Variants in PTPRG observed in about 807,000 individuals in gnomAD.
PTPRG encodes the protein receptor-type tyrosine-protein phosphatase gamma.
PTPRG carries 102 observed loss-of-function variants against 165.3 expected under a neutral mutation model. That is an observed-to-expected ratio of 0.62 (90% CI 0.53 to 0.73). PTPRG has a LOEUF of 0.73. Among genes scored for constraint, PTPRG ranks in the 30% least tolerant of loss-of-function variants. The probability of loss-of-function intolerance (pLI) is 0.00; values close to 1 mark genes in which losing one functional copy is unlikely to be tolerated. For synonymous variants in PTPRG, 675 were observed against 669.5 expected (o/e 1.01, Z -0.13); for missense variants, 1,866 against 1,861.4 (o/e 1.00, Z -0.05).
At chr3:61,948,402 A>G (rs1431141508) in intron 2 of PTPRG, among the ~76,000 whole-genome samples, 2 of 152,098 alleles carry the variant, frequency 1.3e-5, no homozygotes, top group African/African-American at 4.8e-5. Flanking sequence ...ACCAAGAATT[A>G]TTGAGCACCT....
intron 2 of PTPRG, among the ~76,000 whole-genome samples, chr3:61,811,192 G>T (rs994300722): frequency 6.6e-6 from 1 of 151,976 alleles, no homozygotes. Context: ...TGTCATGGAA[G>T]GCCCATGAAT....
chr3:62,223,200 G>T (rs1576154294), intron 13 of PTPRG, among the ~76,000 whole-genome samples: 1 of 152,222 alleles, frequency 6.6e-6, no homozygotes, highest in South Asian at 2.1e-4. Flanking sequence ...TGATGGGAAG[G>T]TATTGAAGGA....
rs1008934401 is a variant in PTPRG, at chr3:62,203,571, G to A, written c.1776G>A (p.Glu592=). Residue 592 remains glutamate, a synonymous_variant, in exon 12 of 30, where the codon GAG becomes GAA. Coordinates refer to ENST00000474889, the MANE Select transcript of PTPRG (RefSeq NM_002841.4). This position sits in a 1 kb window ranked among gnomAD's most constrained non-coding sequence, Gnocchi z 6.4. ...AGAAAAGCGAGAGTGAGGATGGGGA[G>A]CGGGAGCACGAGGAGGATGGAGAGA... ...KDEKSESEDG[E]REHEEDGEKD... is the part of the protein sequence containing the mutation. 6.4e-7 allele frequency: 1 copy of A among 1,552,684 alleles called. No homozygotes were observed. Among genetic ancestry groups the A allele is most frequent in the South Asian group, 1.2e-5 (1 of 84,182 alleles).
chr3:62,143,323 T>G (rs1703998313), intron 6 of PTPRG, among the ~76,000 whole-genome samples: 1 of 152,130 alleles, frequency 6.6e-6, no homozygotes, highest in Non-Finnish European at 1.5e-5. Context: ...AACAAGCGAC[T>G]TTTGGGAAAA....
chr3:61,786,252 T>C (rs1022148284), intron 2 of PTPRG, among the ~76,000 whole-genome samples: 1 of 152,198 alleles, frequency 6.6e-6, no homozygotes, highest in African/African-American at 2.4e-5. Flanking sequence ...ATGGACACTT[T>C]AGCTTCTAAA....
chr3:62,266,829 C>T (rs967098351), intron 17 of PTPRG, among the ~76,000 whole-genome samples: 6 of 147,434 alleles, frequency 4.1e-5, no homozygotes, highest in Non-Finnish European at 7.5e-5. Context: ...CAACTAGATA[C>T]ACATGTCATG....
chr3:62,071,462 G>A (rs1701207826), intron 4 of PTPRG, among the ~76,000 whole-genome samples: 1 of 152,134 alleles, frequency 6.6e-6, no homozygotes, highest in South Asian at 2.1e-4. Context: ...CCCATTGCCT[G>A]TATAAATGTA....
intron 5 of PTPRG, among the ~76,000 whole-genome samples, chr3:62,082,225 A>C (rs1017769703): frequency 2.0e-5 from 3 of 152,060 alleles, no homozygotes; most frequent in Middle Eastern, 3.2e-3. Flanking sequence ...TTCACTATCC[A>C]TGCTTCTTTT....
intron 2 of PTPRG, among the ~76,000 whole-genome samples, chr3:61,768,252 T>C (rs1392312076): frequency 1.3e-5 from 2 of 152,232 alleles, no homozygotes; most frequent in African/African-American, 4.8e-5. Flanking sequence ...CTCACAGGTA[T>C]GATGTATGTC....
At chr3:62,218,742 T>C in intron 12 of PTPRG, 109 bp from the exon 13 acceptor site, 1 of 1,400,568 alleles carries the variant, frequency 7.1e-7, no homozygotes, top group Non-Finnish European at 9.7e-7. Flanking sequence ...TCAGAGCAAA[T>C]GGCCCAGTTC....
intron 2 of PTPRG, among the ~76,000 whole-genome samples, chr3:61,980,204 C>G (rs1167534330): frequency 6.6e-6 from 1 of 152,116 alleles, no homozygotes; most frequent in Non-Finnish European, 1.5e-5. Context: ...TTGTTTTGCT[C>G]TCTGGGTTGC....
At chr3:61,621,002 A>G (rs1028519782) in intron 1 of PTPRG, among the ~76,000 whole-genome samples, 2 of 139,458 alleles carry the variant, frequency 1.4e-5, no homozygotes, top group East Asian at 2.2e-4. Flanking sequence ...TCAGCAAAAA[A>G]AAATTTGGAC....
intron 16 of PTPRG, among the ~76,000 whole-genome samples, chr3:62,259,412 A>G (rs528739080): frequency 3.3e-4 from 49 of 148,614 alleles, no homozygotes; most frequent in African/African-American, 1.2e-3. Flanking sequence ...AATTGCAGGG[A>G]AAAAAAAAAC....
intron 2 of PTPRG, among the ~76,000 whole-genome samples, chr3:61,915,413 T>A (rs2038910187): frequency 6.6e-6 from 1 of 152,206 alleles, no homozygotes; most frequent in Non-Finnish European, 1.5e-5. Flanking sequence ...TCACTTCTTT[T>A]CTGTTGACTT....
At chr3:61,597,489 T>A (rs1316752595) in intron 1 of PTPRG, among the ~76,000 whole-genome samples, 1 of 152,218 alleles carries the variant, frequency 6.6e-6, no homozygotes, top group Non-Finnish European at 1.5e-5. Flanking sequence ...CATTTAATGT[T>A]GAATTTTACT....
chr3:61,615,281 T>G (rs1451584002), intron 1 of PTPRG, among the ~76,000 whole-genome samples: 1 of 152,236 alleles, frequency 6.6e-6, no homozygotes, highest in African/African-American at 2.4e-5. Context: ...GTTAGTCTCT[T>G]TCAGGTCTGG....
intron 5 of PTPRG, among the ~76,000 whole-genome samples, chr3:62,118,742 G>A (rs368616224): frequency 3.9e-5 from 6 of 152,202 alleles, no homozygotes; most frequent in East Asian, 3.9e-4. Flanking sequence ...TGTGTCACAG[G>A]CATCTTTTCA....
chr3:61,954,676 C>G (rs2039993503), intron 2 of PTPRG, among the ~76,000 whole-genome samples: 1 of 152,176 alleles, frequency 6.6e-6, no homozygotes, highest in African/African-American at 2.4e-5. Flanking sequence ...GACACTGACA[C>G]TTGTAAGATA....
chr3:62,032,260 G>T (rs536770781), intron 4 of PTPRG, among the ~76,000 whole-genome samples: 135 of 152,314 alleles, frequency 8.9e-4, no homozygotes, highest in Admixed American at 3.1e-3. Flanking sequence ...TTAGTCAAAA[G>T]TGCCACCTAT....
Sources: gnomAD v4.1 joint callset for allele counts (sites outside exome capture counted in the v4.1 genomes callset) on GRCh38, gnomAD v4.1.1 for gene constraint, Gnocchi (gnomAD v3.1) non-coding constraint, MANE v1.5 for transcripts, NCBI Gene and HGNC (gene_info 2026-07-23, HGNC 2026-07-21) for gene names.